STARD13: variants seen among roughly 807,000 people sequenced by gnomAD.
The protein encoded by STARD13 is stAR-related lipid transfer protein 13.
In STARD13, 62 loss-of-function variants were observed where a neutral mutation model predicts 106.4. The observed-to-expected ratio is 0.58, with a 90% CI of 0.48 to 0.72. The LOEUF (loss-of-function observed/expected upper bound fraction) is 0.72. Among genes scored for constraint, STARD13 ranks in the 30% least tolerant of loss-of-function variants. The probability of loss-of-function intolerance (pLI) is 0.00; values close to 1 mark genes in which losing one functional copy is unlikely to be tolerated. For missense variants in STARD13, 1,387 were observed against 1,424.0 expected (o/e 0.97, Z 0.42); for synonymous variants, 565 against 553.0 (o/e 1.02, Z -0.31).
chr13:33,262,941 C>T (rs187827900), intron 1 of STARD13, among the ~76,000 whole-genome samples: 16 of 152,292 alleles, frequency 1.1e-4, no homozygotes, highest in Admixed American at 6.5e-4. Context: ...CCTCTCTCTA[C>T]AGGCAGGTGG....
At position 33,110,899 on chromosome 13, in the gene STARD13, G is replaced by T; in HGVS notation, c.2616C>A (p.His872Gln). ...AGTTACGAGACTGGGCCACCAACTCGTGTGGAACCTAGACCAACGGATGCA... is the reference window on the plus strand; with the variant it reads ...AGTTACGAGACTGGGCCACCAACTCTTGTGGAACCTAGACCAACGGATGCA... ...MECDRLFEVP[H>Q]ELVAQSRNSY... The change falls in exon 11 of 14, where the codon CAC (histidine) becomes CAA (glutamine). Residue 872 changes from histidine to glutamine, a missense_variant. By Grantham distance (24) the His-to-Gln change is conservative. Transcript: ENST00000336934. 1.2e-6 allele frequency: 2 copies of T among 1,612,898 alleles called. No individual in the cohort carries two copies. Among genetic ancestry groups the T allele is most frequent in the Non-Finnish European group, 1.7e-6 (2 of 1,179,928 alleles).
At chr13:33,378,130 A>C in the STARD13 span, among the ~76,000 whole-genome samples, 2 of 152,156 alleles carry the variant, frequency 1.3e-5, no homozygotes, top group Non-Finnish European at 2.9e-5. Flanking sequence ...TTCATGCAGC[A>C]AGTTAGCCAG....
chr13:33,253,509 C>A (rs1484253443), intron 1 of STARD13, among the ~76,000 whole-genome samples: 2 of 152,206 alleles, frequency 1.3e-5, no homozygotes, highest in Non-Finnish European at 2.9e-5. Flanking sequence ...CCACCTACAA[C>A]AAGGGCCGCA....
Position 33,285,625 on chromosome 13 carries a change from A to C in STARD13, c.14T>G (p.Val5Gly), listed in dbSNP as rs758744935. The change falls in exon 1 of 14, where the codon GTG (valine) becomes GGG (glycine). Residue 5 changes from valine (V) to glycine (G), a missense_variant. Coordinates refer to ENST00000336934, the MANE Select transcript of STARD13 (RefSeq NM_178006.4). MFSQ[V>G]PRTPASGCYY... ...GCAGCCTGAGGCTGGGGTCCTGGGCACCTGACTGAACATCTCGGCAGATTT... is the reference window on the plus strand; with the variant it reads ...GCAGCCTGAGGCTGGGGTCCTGGGCCCCTGACTGAACATCTCGGCAGATTT... 1 of 1,612,980 alleles carries C rather than the reference A, an allele frequency of 6.2e-7. No homozygotes were observed. Among genetic ancestry groups the C allele is most frequent in the East Asian group, 2.2e-5 (1 of 44,862 alleles).
At chr13:33,355,462 C>G (rs1182549914), upstream of STARD13, 1 of 152,182 alleles carries the variant, frequency 6.6e-6, no homozygotes, top group Non-Finnish European at 1.5e-5. Context: ...TGCCAAGAAC[C>G]CATAGTCATG....
intron 1 of STARD13, among the ~76,000 whole-genome samples, chr13:33,238,894 T>C (rs897481020): frequency 1.3e-5 from 2 of 152,166 alleles, no homozygotes; most frequent in Non-Finnish European, 2.9e-5. Flanking sequence ...TTTTAAGTGA[T>C]AAAAAATAAC....
At chr13:33,415,459 T>A in the STARD13 span, among the ~76,000 whole-genome samples, 1 of 152,220 alleles carries the variant, frequency 6.6e-6, no homozygotes, top group African/African-American at 2.4e-5. Flanking sequence ...AACTTATAAT[T>A]TATATATCTT....
At chr13:33,521,242 T>C in the STARD13 span, among the ~76,000 whole-genome samples, 2 of 152,208 alleles carry the variant, frequency 1.3e-5, no homozygotes, top group South Asian at 4.1e-4. Flanking sequence ...ATGGCTGAAA[T>C]AGGGTTATGC....
At chr13:33,493,992 CAAA>C in the STARD13 span, among the ~76,000 whole-genome samples, 1 of 152,080 alleles carries the variant, frequency 6.6e-6, no homozygotes, top group Non-Finnish European at 1.5e-5. Context: ...GTAGTAAACC[CAAA>C]AAGGCAAAAC....
At chr13:33,284,395 A>C (rs1297569169) in intron 1 of STARD13, among the ~76,000 whole-genome samples, 1 of 152,240 alleles carries the variant, frequency 6.6e-6, no homozygotes, top group Non-Finnish European at 1.5e-5. Flanking sequence ...ATTCAATATA[A>C]TCTTAAACTC....
At chr13:33,626,124 A>T in the STARD13 span, among the ~76,000 whole-genome samples, 1 of 152,324 alleles carries the variant, frequency 6.6e-6, no homozygotes, top group Admixed American at 6.5e-5. Context: ...CCATAGCTAC[A>T]TCAGAAACAC....
intron 1 of STARD13, among the ~76,000 whole-genome samples, chr13:33,238,383 G>T (rs1449874559): frequency 4.6e-5 from 7 of 151,964 alleles, no homozygotes; most frequent in Non-Finnish European, 1.0e-4. Flanking sequence ...ATAAGGATGG[G>T]GTCAAATAAG....
At chr13:33,527,961 TAAC>T in the STARD13 span, among the ~76,000 whole-genome samples, 1 of 151,238 alleles carries the variant, frequency 6.6e-6, no homozygotes, top group Admixed American at 6.6e-5. Flanking sequence ...ATAAGTAATG[TAAC>T]ACTAGTTTTT....
At chr13:33,602,092 CTTTT>C in the STARD13 span, among the ~76,000 whole-genome samples, 2 of 136,506 alleles carry the variant, frequency 1.5e-5, no homozygotes, top group African/African-American at 5.5e-5. Flanking sequence ...TCTAGTAATT[CTTTT>C]TTTTTTTTTT....
the STARD13 span, among the ~76,000 whole-genome samples, chr13:33,517,203 C>A: frequency 1.3e-5 from 2 of 152,102 alleles, no homozygotes; most frequent in East Asian, 3.9e-4. Flanking sequence ...TTCCCCCCAC[C>A]CTATTCAAGC....
At chr13:33,319,047 A>C (rs1303452227) in intron 1 of STARD13, among the ~76,000 whole-genome samples, 1 of 152,230 alleles carries the variant, frequency 6.6e-6, no homozygotes, top group Admixed American at 6.5e-5. Flanking sequence ...CCACTCATAG[A>C]TCTACACCCA....
intron 1 of STARD13, among the ~76,000 whole-genome samples, chr13:33,265,858 T>A (rs1890870663): frequency 6.6e-6 from 1 of 152,042 alleles, no homozygotes; most frequent in Non-Finnish European, 1.5e-5. Context: ...GAAGGTACAG[T>A]AATAAATTCA....
the STARD13 span, among the ~76,000 whole-genome samples, chr13:33,456,608 A>G: frequency 6.6e-6 from 1 of 152,148 alleles, no homozygotes; most frequent in Non-Finnish European, 1.5e-5. Context: ...GTGTCCTCAC[A>G]TGGCCTTTTC....
the STARD13 span, among the ~76,000 whole-genome samples, chr13:33,667,930 G>A: frequency 0.046 from 6,973 of 152,312 alleles, 538 homozygotes; most frequent in African/African-American, 0.16. Flanking sequence ...ACTTGTGCCT[G>A]TCACTGAGTT....
Sources: allele counts gnomAD v4.1 joint callset (sites outside exome capture counted in the v4.1 genomes callset), GRCh38; gene constraint gnomAD v4.1.1; transcripts MANE v1.5; gene names NCBI Gene and HGNC (gene_info 2026-07-23, HGNC 2026-07-21).